Variants in METTL24 observed in about 807,000 individuals in gnomAD.
METTL24 encodes the protein methyltransferase like 24.
METTL24 carries 29 observed loss-of-function variants against 32.7 expected under a neutral mutation model. The observed-to-expected ratio is 0.89, with a 90% CI of 0.66 to 1.21. The LOEUF is 1.21. Among genes scored for constraint, METTL24 ranks in the 50% most tolerant of loss-of-function variants. METTL24 has a pLI of 0.00. For synonymous variants in METTL24, 163 were observed against 179.5 expected, an observed-to-expected ratio of 0.91 and a Z score of 0.73; for missense variants, 439 against 468.1, an observed-to-expected ratio of 0.94 and a Z score of 0.57.
At chr6:110,351,660 T>G (rs1182655153) in intron 1 of METTL24, among the ~76,000 whole-genome samples, 2 of 152,260 alleles carry the variant, frequency 1.3e-5, no homozygotes, top group Non-Finnish European at 2.9e-5. Context: ...TAGAGTAACT[T>G]AAAGTTTCTC....
intron 4 of METTL24, among the ~76,000 whole-genome samples, chr6:110,256,005 T>C (rs1778376306): frequency 6.6e-6 from 1 of 152,196 alleles, no homozygotes; most frequent in Non-Finnish European, 1.5e-5. Flanking sequence ...TATTTAGTTT[T>C]TGCTTGTGTT....
intron 4 of METTL24, among the ~76,000 whole-genome samples, chr6:110,262,091 G>A (rs1208046392): frequency 6.6e-6 from 1 of 152,144 alleles, no homozygotes; most frequent in Non-Finnish European, 1.5e-5. Context: ...TCAAAAGCTA[G>A]CAGAAGGCAA....
chr6:110,322,406 C>A lies in METTL24; in HGVS notation c.417+368G>T, dbSNP rs55897913. ...AAGTTCCTCCAAATACAAAATGGTG[C>A]TTGAACCTCTAGATGATGGTTTTGT... On this transcript the variant is annotated intron_variant, in intron 2 of 4. Coordinates refer to ENST00000338882, the MANE Select transcript of METTL24 (RefSeq NM_001123364.3). 9.6e-3 allele frequency among the ~76,000 whole-genome samples: 1,461 copies of A among 152,320 alleles called. 17 individuals are homozygous for A. Among genetic ancestry groups the A allele is most frequent in the Non-Finnish European group, 0.016 (1,089 of 68,028 alleles).
intron 4 of METTL24, among the ~76,000 whole-genome samples, chr6:110,256,162 T>C (rs555754964): frequency 6.6e-6 from 1 of 152,256 alleles, no homozygotes; most frequent in East Asian, 1.9e-4. Context: ...TGCACACACA[T>C]GTGCATACAC....
chr6:110,318,527 G>A (rs1348663595), intron 2 of METTL24, among the ~76,000 whole-genome samples: 1 of 151,770 alleles, frequency 6.6e-6, no homozygotes, highest in Non-Finnish European at 1.5e-5. Flanking sequence ...ACTGGCATGT[G>A]CCTGTAATCC....
chr6:110,331,659 C>CA (rs59304999), intron 1 of METTL24, among the ~76,000 whole-genome samples: 14,776 of 58,312 alleles, frequency 0.25, 2,258 homozygotes, highest in African/African-American at 0.48. Flanking sequence ...GACCCTGCCT[C>CA]AAAAAAAAAA....
At chr6:110,275,506 C>A (rs750294905) in intron 4 of METTL24, among the ~76,000 whole-genome samples, 1 of 152,180 alleles carries the variant, frequency 6.6e-6, no homozygotes, top group Non-Finnish European at 1.5e-5. Flanking sequence ...TATGCCCCCT[C>A]CTTAACTCCC....
At chr6:110,315,721 G>C (rs996687869) in intron 2 of METTL24, among the ~76,000 whole-genome samples, 4 of 152,174 alleles carry the variant, frequency 2.6e-5, no homozygotes, top group African/African-American at 9.7e-5. Context: ...GAAGTTAAGA[G>C]CTGCTGTAGC....
chr6:110,342,999 T>C (rs1772390208), intron 1 of METTL24, among the ~76,000 whole-genome samples: 1 of 152,254 alleles, frequency 6.6e-6, no homozygotes, highest in African/African-American at 2.4e-5. Context: ...CTATGGATAA[T>C]GACCCTATGA....
At chr6:110,261,137 G>T (rs1349425875) in intron 4 of METTL24, among the ~76,000 whole-genome samples, 2 of 152,098 alleles carry the variant, frequency 1.3e-5, no homozygotes, top group Non-Finnish European at 2.9e-5. Context: ...AAATGTAAAT[G>T]GACTAAACGC....
At chr6:110,267,161 G>C (rs1770871638) in intron 4 of METTL24, among the ~76,000 whole-genome samples, 2 of 152,170 alleles carry the variant, frequency 1.3e-5, no homozygotes, top group Non-Finnish European at 2.9e-5. Context: ...TAAATTTATG[G>C]TAAGTCCCCT....
chr6:110,285,624 C>G (rs1160407516), intron 4 of METTL24, among the ~76,000 whole-genome samples: 1 of 152,164 alleles, frequency 6.6e-6, no homozygotes, highest in East Asian at 1.9e-4. Context: ...TGTCAAAAGG[C>G]ATTAGCTGTT....
At chr6:110,292,430 A>G (rs2114726197) in intron 4 of METTL24, among the ~76,000 whole-genome samples, 2 of 151,420 alleles carry the variant, frequency 1.3e-5, no homozygotes, top group Non-Finnish European at 3.0e-5. Context: ...AAGTTTTAAT[A>G]TTTTTTCATA....
At chr6:110,306,146 G>C (rs1771623846) in intron 3 of METTL24, among the ~76,000 whole-genome samples, 1 of 151,634 alleles carries the variant, frequency 6.6e-6, no homozygotes, top group Admixed American at 6.6e-5. Flanking sequence ...TCACACACCA[G>C]GGCCTGTTGG....
chr6:110,322,742 C>G (rs767681238), intron 2 of METTL24, 32 bp downstream of exon 2: 2 of 1,562,888 alleles, frequency 1.3e-6, no homozygotes, highest in African/African-American at 2.7e-5. Flanking sequence ...CTTTCACATT[C>G]TTCTCTAACT....
intron 4 of METTL24, among the ~76,000 whole-genome samples, chr6:110,284,666 T>C (rs1415447097): frequency 2.0e-5 from 3 of 152,176 alleles, no homozygotes; most frequent in African/African-American, 7.2e-5. Flanking sequence ...TCATGTAGAA[T>C]TACTTTGTTT....
At chr6:110,316,388 A>T (rs182562131) in intron 2 of METTL24, among the ~76,000 whole-genome samples, 112 of 152,324 alleles carry the variant, frequency 7.4e-4, no homozygotes, top group African/African-American at 2.6e-3. Context: ...AAAATAAGGA[A>T]AATAAGTTCT....
At chr6:110,270,790 C>T (rs1356196925) in intron 4 of METTL24, among the ~76,000 whole-genome samples, 1 of 149,600 alleles carries the variant, frequency 6.7e-6, no homozygotes, top group African/African-American at 2.5e-5. Context: ...TTCTAATTGT[C>T]TTGTCTTACA....
At chr6:110,312,076 C>A (rs1265328000) in intron 3 of METTL24, among the ~76,000 whole-genome samples, 1 of 152,022 alleles carries the variant, frequency 6.6e-6, no homozygotes, top group African/African-American at 2.4e-5. Context: ...GTCTATTTTT[C>A]TTTTGAATAA....
Sources: allele counts gnomAD v4.1 joint callset (sites outside exome capture counted in the v4.1 genomes callset), GRCh38; gene constraint gnomAD v4.1.1; transcripts MANE v1.5; gene names NCBI Gene and HGNC (gene_info 2026-07-23, HGNC 2026-07-21).